The following GMDS variants were observed in gnomAD, a reference collection of about 807,000 sequenced individuals.
The protein encoded by GMDS is GDP-mannose 4,6 dehydratase.
In GMDS, 20 loss-of-function variants were observed where a neutral mutation model predicts 49.9. The ratio of observed to expected loss-of-function variants is 0.40; its 90% CI spans 0.28 to 0.58. The LOEUF is 0.58. GMDS is among the 20% of genes least tolerant of loss of function. GMDS has a pLI of 0.42. For synonymous variants in GMDS, 177 were observed against 178.6 expected, an observed-to-expected ratio of 0.99 and a Z score of 0.07; for missense variants, 362 against 481.4, an observed-to-expected ratio of 0.75 and a Z score of 2.32.
intron 4 of GMDS, among the ~76,000 whole-genome samples, chr6:2,069,431 C>G (rs1771838740): frequency 6.6e-6 from 1 of 151,918 alleles, no homozygotes; most frequent in African/African-American, 2.4e-5. Context: ...TCTCATTAAA[C>G]TAAAGAGCTT....
chr6:2,136,028 T>C (rs1237110100), intron 1 of GMDS, among the ~76,000 whole-genome samples: 1 of 152,136 alleles, frequency 6.6e-6, no homozygotes, highest in Admixed American at 6.5e-5. Flanking sequence ...GGTGCCTAGG[T>C]TGCAACCTGT....
chr6:2,108,326 T>C (rs950698002), intron 4 of GMDS, among the ~76,000 whole-genome samples: 1 of 152,182 alleles, frequency 6.6e-6, no homozygotes, highest in African/African-American at 2.4e-5. Context: ...CCATAGCTTT[T>C]AGGGAAGCTA....
intron 1 of GMDS, among the ~76,000 whole-genome samples, chr6:2,151,138 A>G (rs115113503): frequency 0.014 from 2,121 of 152,250 alleles, 37 homozygotes; most frequent in Non-Finnish European, 0.02. Flanking sequence ...ATCATCAAAA[A>G]TAATATAATT....
chr6:1,688,181 G>T (rs1765052255), intron 9 of GMDS, among the ~76,000 whole-genome samples: 1 of 152,168 alleles, frequency 6.6e-6, no homozygotes, highest in Non-Finnish European at 1.5e-5. Context: ...AAGTTGTGGG[G>T]TGTGAGAGAG....
At chr6:1,917,805 C>A (rs1761479074) in intron 7 of GMDS, among the ~76,000 whole-genome samples, 1 of 152,166 alleles carries the variant, frequency 6.6e-6, no homozygotes, top group Non-Finnish European at 1.5e-5. Flanking sequence ...GCAACCTGTA[C>A]CCTCCAACAC....
intron 9 of GMDS, among the ~76,000 whole-genome samples, chr6:1,657,275 C>A (rs929037391): frequency 6.6e-6 from 1 of 152,172 alleles, no homozygotes; most frequent in Non-Finnish European, 1.5e-5. Flanking sequence ...AGAGTGAGGA[C>A]TGAAGGGAGA....
intron 4 of GMDS, among the ~76,000 whole-genome samples, chr6:2,100,063 G>C (rs1444783569): frequency 2.0e-5 from 3 of 152,008 alleles, no homozygotes; most frequent in African/African-American, 7.2e-5. Context: ...TGGGAAAACT[G>C]AGGCCCAGAG....
At chr6:2,066,386 C>T (rs1771593144) in intron 4 of GMDS, among the ~76,000 whole-genome samples, 1 of 138,738 alleles carries the variant, frequency 7.2e-6, no homozygotes, top group Non-Finnish European at 1.5e-5. Context: ...CAGCTAACAT[C>T]ATAATGACAG....
intron 4 of GMDS, among the ~76,000 whole-genome samples, chr6:1,998,884 A>G (rs540119633): frequency 7.7e-6 from 1 of 129,040 alleles, no homozygotes; most frequent in African/African-American, 2.8e-5. Flanking sequence ...TGTTTTTTTT[A>G]AAACAAAAAG....
intron 1 of GMDS, among the ~76,000 whole-genome samples, chr6:2,185,692 T>C (rs529975432): frequency 5.5e-4 from 84 of 152,292 alleles, no homozygotes; most frequent in African/African-American, 1.9e-3. Flanking sequence ...ATGTAATCAA[T>C]GCCTAAATAC....
At chr6:1,707,974 C>G (rs562784186) in intron 9 of GMDS, among the ~76,000 whole-genome samples, 203 of 152,306 alleles carry the variant, frequency 1.3e-3, no homozygotes, top group Non-Finnish European at 2.1e-3. Context: ...ACTTCACAAA[C>G]TAGGCTACAT....
intron 6 of GMDS, among the ~76,000 whole-genome samples, chr6:1,938,314 T>G (rs1307600859): frequency 6.6e-6 from 1 of 152,212 alleles, no homozygotes; most frequent in Non-Finnish European, 1.5e-5. Context: ...ACCAATTTCC[T>G]TTGTCATCAT....
At chr6:1,835,462 C>T (rs1430547511) in intron 7 of GMDS, among the ~76,000 whole-genome samples, 2 of 152,064 alleles carry the variant, frequency 1.3e-5, no homozygotes, top group African/African-American at 4.8e-5. Flanking sequence ...TCTTATTCTG[C>T]TTTTACAGAA....
chr6:2,212,656 GCTTT>G (rs1190682856), intron 1 of GMDS, among the ~76,000 whole-genome samples: 1 of 143,364 alleles, frequency 7.0e-6, no homozygotes, highest in Non-Finnish European at 1.5e-5. Context: ...GAAAGGACCT[GCTTT>G]CTTTAATTAT....
chr6:1,995,651 T>C (rs929295734), intron 4 of GMDS, among the ~76,000 whole-genome samples: 1 of 152,212 alleles, frequency 6.6e-6, no homozygotes, highest in Non-Finnish European at 1.5e-5. Context: ...TCAAATACTC[T>C]TTCTCCTAAG....
chr6:1,760,692 G>GTGAA (rs1316510891), intron 7 of GMDS, among the ~76,000 whole-genome samples: 2 of 152,200 alleles, frequency 1.3e-5, no homozygotes, highest in Admixed American at 6.5e-5. Flanking sequence ...TGTTTCCCCA[G>GTGAA]TGTCTTCATT....
At chr6:2,212,144 T>G (rs1391730793) in intron 1 of GMDS, among the ~76,000 whole-genome samples, 1 of 152,200 alleles carries the variant, frequency 6.6e-6, no homozygotes, top group East Asian at 1.9e-4. Context: ...GATGTGATAT[T>G]TTGTGATATG....
chr6:1,848,742 G>C (rs1247092645), intron 7 of GMDS, among the ~76,000 whole-genome samples: 1 of 152,206 alleles, frequency 6.6e-6, no homozygotes, highest in East Asian at 1.9e-4. Flanking sequence ...CTGAAGACAA[G>C]AATTTGTAAG....
chr6:2,135,760 G>A (rs1306267480), intron 1 of GMDS, among the ~76,000 whole-genome samples: 3 of 152,050 alleles, frequency 2.0e-5, no homozygotes, highest in Non-Finnish European at 4.4e-5. Flanking sequence ...ATTAAAAAAG[G>A]TAAAAAGAAA....
Sources: allele counts gnomAD v4.1 joint callset (sites outside exome capture counted in the v4.1 genomes callset), GRCh38; gene constraint gnomAD v4.1.1; transcripts MANE v1.5; gene names NCBI Gene and HGNC (gene_info 2026-07-23, HGNC 2026-07-21).